Variants in FNIP1 observed in about 807,000 individuals in gnomAD.
The protein encoded by FNIP1 is folliculin interacting protein 1, also known as folliculin-interacting protein 1.
In FNIP1, 40 loss-of-function variants were observed where a neutral mutation model predicts 124.5. The ratio of observed to expected loss-of-function variants is 0.32; its 90% CI spans 0.25 to 0.42. FNIP1 has a LOEUF of 0.42. FNIP1 is among the 10% of genes least tolerant of loss of function. The pLI, the probability that FNIP1 is intolerant of heterozygous loss-of-function variation, is 1.00. For synonymous variants in FNIP1, 472 were observed against 470.6 expected (o/e 1.00, Z -0.04); for missense variants, 1,176 against 1,403.7 (o/e 0.84, Z 2.59).
chr5:131,738,965 A>G (rs1400412738), intron 2 of FNIP1, among the ~76,000 whole-genome samples: 1 of 151,772 alleles, frequency 6.6e-6, no homozygotes, highest in African/African-American at 2.4e-5. Flanking sequence ...ACAGACACTC[A>G]GCACCACACC....
intron 11 of FNIP1, among the ~76,000 whole-genome samples, chr5:131,685,712 T>C (rs1336856852): frequency 6.6e-6 from 1 of 151,820 alleles, no homozygotes; most frequent in Non-Finnish European, 1.5e-5. Flanking sequence ...CCTCAGCCTA[T>C]CAAAGTGCTG....
intron 11 of FNIP1, among the ~76,000 whole-genome samples, chr5:131,698,097 C>A (rs1485075413): frequency 6.6e-6 from 1 of 151,594 alleles, no homozygotes; most frequent in Non-Finnish European, 1.5e-5. Flanking sequence ...TAGATTATTA[C>A]TAAATTGAAT....
In FNIP1 at chr5:131,682,305, G is replaced by A. The variant is rs1457642333; in HGVS notation, c.1203-3130C>T. Among the ~76,000 whole-genome samples the A allele has an allele frequency of 2.0e-5, 3 of 152,236 alleles. No homozygotes were observed. In the East Asian group the frequency reaches 5.8e-4, roughly 29 times the overall value. On this transcript the variant is annotated intron_variant, in intron 11 of 17. Coordinates refer to ENST00000510461, the MANE Select transcript of FNIP1 (RefSeq NM_133372.3). ...GCTTTAGTATTTTAGTATTATATTT[G>A]TTTAAAAGTATTATATATGCTATGG...
chr5:131,720,437 T>C (rs1769620168), intron 3 of FNIP1, among the ~76,000 whole-genome samples: 1 of 152,098 alleles, frequency 6.6e-6, no homozygotes, highest in East Asian at 1.9e-4. Flanking sequence ...GTCTTAGCAA[T>C]AATTTCACAG....
chr5:131,706,417 G>C lies in FNIP1; in HGVS notation c.908C>G (p.Pro303Arg). 1 of 1,610,308 alleles carries C rather than the reference G, an allele frequency of 6.2e-7. No homozygotes were observed. The highest frequency in any genetic ancestry group is 8.5e-7 in the Non-Finnish European group (1 of 1,178,232). Residue 303 changes from proline (P) to arginine (R), a missense_variant, in exon 9 of 18, where the codon CCT becomes CGT. Around this residue, in one of 2 missense-constraint regions of FNIP1, gnomAD observed 1,109 missense variants for 1,288.5 expected, o/e 0.86. Transcript: ENST00000510461. The stretch of plus-strand genomic sequence containing the variant: ...GTTTAAAGTTCCAACTTACCATCTA[G>C]GAAATACCCCATTTTCCAAACTTGT... ...QTTSLENGVF[P>R]RWSIEESFNL... is the part of the protein sequence containing the mutation.
In FNIP1 at chr5:131,719,366, A is replaced by G; in HGVS notation, c.406T>C (p.Ser136Pro). ...ANMLGEMMFG[S>P]VAMSYKGSTL... ...GATCCTTTGTAGCTCATTGCTACTG[A>G]GCCAAACATCATCTCTCCAAGCATA... The change falls in exon 4 of 18, where the codon TCA (serine) becomes CCA (proline). Residue 136 changes from serine (S) to proline (P), a missense_variant. Ser to Pro is a moderately conservative substitution (Grantham distance 74). Around this residue, in one of 2 missense-constraint regions of FNIP1, gnomAD observed 1,109 missense variants for 1,288.5 expected, o/e 0.86. Transcript: ENST00000510461. 1 of 1,613,814 alleles carries G rather than the reference A, an allele frequency of 6.2e-7. No individual in the cohort carries two copies. The highest frequency in any genetic ancestry group is 1.1e-5 in the South Asian group (1 of 91,036).
In FNIP1 at chr5:131,704,127, A is replaced by G; in HGVS notation, c.1054T>C (p.Phe352Leu). The G allele has an allele frequency of 6.2e-7, 1 of 1,613,102 alleles. No homozygotes were observed. Among genetic ancestry groups the G allele is most frequent in the Non-Finnish European group, 8.5e-7 (1 of 1,179,222 alleles). ...EDENNKFNEFFFSHFPLFESH... is the reference protein window; with the variant it reads ...EDENNKFNEFLFSHFPLFESH... ...TCAAAGAGAGGAAAATGTGAAAAAA[A>G]GAATTCATTAAATTTGTTATTTTCA... Residue 352 changes from phenylalanine to leucine, a missense_variant, in exon 10 of 18, where the codon TTT becomes CTT. Around this residue, in one of 2 missense-constraint regions of FNIP1, gnomAD observed 1,109 missense variants for 1,288.5 expected, o/e 0.86. Coordinates refer to ENST00000510461, the MANE Select transcript of FNIP1 (RefSeq NM_133372.3).
chr5:131,758,786 G>A (rs888932841), intron 1 of FNIP1, among the ~76,000 whole-genome samples: 2 of 152,132 alleles, frequency 1.3e-5, no homozygotes, highest in African/African-American at 4.8e-5. Context: ...GTGAACTCCT[G>A]TAACACACAT....
chr5:131,709,593 C>T (rs1013703545), intron 7 of FNIP1, among the ~76,000 whole-genome samples: 1 of 152,100 alleles, frequency 6.6e-6, no homozygotes, highest in East Asian at 1.9e-4. Flanking sequence ...AGCTACTGAA[C>T]AGTATGAGTG....
At chr5:131,644,835 C>A in intron 17 of FNIP1, 72 bp from the exon 18 acceptor site, 1 of 1,450,636 alleles carries the variant, frequency 6.9e-7, no homozygotes, top group South Asian at 1.2e-5. Flanking sequence ...AGGCAATGAC[C>A]ACCAACTGTA....
At chr5:131,725,835 G>A (rs922312072) in intron 3 of FNIP1, among the ~76,000 whole-genome samples, 3 of 152,162 alleles carry the variant, frequency 2.0e-5, no homozygotes, top group African/African-American at 4.8e-5. Context: ...CTATGGGTTT[G>A]TCATAAATAG....
At chr5:131,784,933 G>A (rs1232588084) in intron 1 of FNIP1, among the ~76,000 whole-genome samples, 9 of 146,792 alleles carry the variant, frequency 6.1e-5, no homozygotes, top group East Asian at 3.9e-4. Context: ...TTTGAGGCAC[G>A]GTGGGACAGG....
At chr5:131,768,347 C>T (rs1771508736) in intron 1 of FNIP1, among the ~76,000 whole-genome samples, 1 of 152,114 alleles carries the variant, frequency 6.6e-6, no homozygotes, top group Non-Finnish European at 1.5e-5. Flanking sequence ...GTTTAACTTT[C>T]TGACATTAAC....
Position 131,704,112 on chromosome 5 carries a change from G to A in FNIP1, c.1069C>T (p.Pro357Ser), listed in dbSNP as rs1768993589. ...TTGTTCATGTGGCTTTCAAAGAGAG[G>A]AAAATGTGAAAAAAAGAATTCATTA... is the stretch of plus-strand genomic sequence containing the variant. ...KFNEFFFSHF[P>S]LFESHMNKLK... Residue 357 changes from proline to serine, a missense_variant, in exon 10 of 18, where the codon CCT becomes TCT. Coordinates refer to ENST00000510461, the MANE Select transcript of FNIP1 (RefSeq NM_133372.3). The A allele has an allele frequency of 1.9e-6, 3 of 1,612,472 alleles. No homozygotes were observed. The highest frequency in any genetic ancestry group is 2.5e-6 in the Non-Finnish European group (3 of 1,178,960).
chr5:131,708,790 A>G (rs544597005), intron 8 of FNIP1, among the ~76,000 whole-genome samples: 18 of 134,700 alleles, frequency 1.3e-4, no homozygotes, highest in Admixed American at 2.9e-4. Flanking sequence ...CCATATTTGG[A>G]AAAAAAAAAA....
chr5:131,642,867 C>CAAAAAA lies in FNIP1; in HGVS notation c.*1812_*1817dup. 1.4e-5 allele frequency: 1 copy of CAAAAAA among 69,090 alleles called. No individual in the cohort carries two copies. Among genetic ancestry groups the CAAAAAA allele is most frequent in the Non-Finnish European group, 2.8e-5 (1 of 35,732 alleles). 4.3% of individuals were successfully genotyped at this position (69,090 alleles called of 1,614,324 possible). A position where few individuals can be genotyped will look rare whatever the true frequency, so the allele number is the denominator to read the frequency against. On this transcript the variant is annotated 3_prime_UTR_variant, in exon 18 of 18. Transcript: ENST00000510461. ...CTGGGTAACAAGAGTGAAACTCCGT[C>CAAAAAA]AAAAAAAAAAAAAAAAAAAAAAAGG... is the stretch of plus-strand genomic sequence containing the variant.
chr5:131,718,281 T>G (rs769904729), intron 5 of FNIP1, among the ~76,000 whole-genome samples: 2 of 152,214 alleles, frequency 1.3e-5, no homozygotes, highest in Non-Finnish European at 2.9e-5. Flanking sequence ...AACAGGTCTT[T>G]TTAAGGCATT....
chr5:131,664,634 C>CTCAA lies in FNIP1; in HGVS notation c.3108+5828_3108+5829insTTGA, dbSNP rs1767539001. 5.2e-5 allele frequency among the ~76,000 whole-genome samples: 4 copies of CTCAA among 77,456 alleles called. No homozygotes were observed. The South Asian group carries it at 2.0e-3, about 38-fold the overall frequency. 50.8% of individuals were successfully genotyped at this position (77,456 alleles called of 152,430 possible). ...TGGATGACAGAGCAAGACCCTGTCT[C>CTCAA]AAAAAAAAAAAAAAAAAAAAAGAGC... On this transcript the variant is annotated intron_variant, in intron 15 of 17. Transcript: ENST00000510461.
At position 131,716,657 on chromosome 5, in the gene FNIP1, C is replaced by CA. The variant is rs1240085642; in HGVS notation, c.531-2_531-1insT. The CA allele has an allele frequency of 6.4e-7, 1 of 1,558,600 alleles. No homozygotes were observed. The highest frequency in any genetic ancestry group is 8.7e-7 in the Non-Finnish European group (1 of 1,149,272). On this transcript the variant is annotated splice_acceptor_variant, in intron 5 of 17. Transcript: ENST00000510461. LOFTEE classifies it high-confidence loss of function. Reference sequence around the variant, plus strand: ...GATGAATTCAAGACTATCTTGTAGCCTATGGAGGGTGAGAAGAAAATTAAT... The same window carrying CA: ...GATGAATTCAAGACTATCTTGTAGCCATATGGAGGGTGAGAAGAAAATTAAT...
Sources: allele counts gnomAD v4.1 joint callset (sites outside exome capture counted in the v4.1 genomes callset), GRCh38; gene constraint gnomAD v4.1.1; regional missense constraint gnomAD v4.1.1; transcripts MANE v1.5; gene names NCBI Gene and HGNC (gene_info 2026-07-23, HGNC 2026-07-21).